The following NPSR1 variants were observed in gnomAD, a reference collection of about 807,000 sequenced individuals.
NPSR1 encodes neuropeptide S receptor.
A neutral mutation model predicts 46.9 loss-of-function variants in NPSR1; 48 were observed. The observed-to-expected ratio is 1.02, with a 90% CI of 0.81 to 1.30. The LOEUF (loss-of-function observed/expected upper bound fraction) is 1.30, where lower values mean the gene tolerates loss of function less well. Ranked by LOEUF, NPSR1 falls within the 50% of genes most tolerant of loss-of-function variation. The pLI is 0.00. For missense variants in NPSR1, 450 were observed against 449.5 expected (o/e 1.00, Z -0.01); for synonymous variants, 176 against 168.1 (o/e 1.05, Z -0.36).
chr7:34,743,895 C>A (rs952241738), intron 2 of NPSR1, among the ~76,000 whole-genome samples: 5 of 152,064 alleles, frequency 3.3e-5, no homozygotes, highest in African/African-American at 1.2e-4. Context: ...GATGAAATGA[C>A]ATATGGTCTA....
At chr7:34,792,609 A>G (rs1161030815) in intron 3 of NPSR1, among the ~76,000 whole-genome samples, 4 of 125,680 alleles carry the variant, frequency 3.2e-5, no homozygotes, top group African/African-American at 1.2e-4. Flanking sequence ...ATGTGTGTGT[A>G]TATATGTGTA....
intron 2 of NPSR1, among the ~76,000 whole-genome samples, chr7:34,709,444 C>T (rs1396181951): frequency 6.6e-6 from 1 of 152,172 alleles, no homozygotes; most frequent in African/African-American, 2.4e-5. Flanking sequence ...CACTGTTGCA[C>T]AGACAGAAGC....
intron 2 of NPSR1, among the ~76,000 whole-genome samples, chr7:34,744,916 A>T (rs1785128282): frequency 6.6e-6 from 1 of 152,214 alleles, no homozygotes; most frequent in African/African-American, 2.4e-5. Context: ...ACATGTTCAC[A>T]CTTTCTCCTT....
Position 34,676,836 on chromosome 7 carries a change from C to G in NPSR1, c.148-7716C>G, listed in dbSNP as rs111353256. Among the ~76,000 whole-genome samples, 442 of 152,164 alleles carry G rather than the reference C, an allele frequency of 2.9e-3. 3 individuals carry two copies. Among genetic ancestry groups the G allele is most frequent in the African/African-American group, 0.01 (417 of 41,502 alleles). On this transcript the variant is annotated intron_variant, in intron 1 of 8. Coordinates refer to ENST00000360581, the MANE Select transcript of NPSR1 (RefSeq NM_207172.2). ...CCTATGTCTGGAAGTGTTCTGAAGC[C>G]TATGAAGTAAGGTGAGATTATCTTC...
At chr7:34,737,342 A>C (rs1471795818) in intron 2 of NPSR1, among the ~76,000 whole-genome samples, 1 of 151,962 alleles carries the variant, frequency 6.6e-6, no homozygotes, top group Non-Finnish European at 1.5e-5. Context: ...GTTCTTTCTC[A>C]AACACTGAAA....
In NPSR1 at chr7:34,849,562, C is replaced by G; in HGVS notation, c.1026-3C>G. On this transcript the variant is annotated splice_polypyrimidine_tract_variant and splice_region_variant and intron_variant, in intron 8 of 8. Coordinates refer to ENST00000360581, the MANE Select transcript of NPSR1 (RefSeq NM_207172.2). Reference sequence around the variant, plus strand: ...CTCCCTGCTTTATTTTGACTTTCTCCAGGGAGCAAAGATCACAGGATTCCA... The same window carrying G: ...CTCCCTGCTTTATTTTGACTTTCTCGAGGGAGCAAAGATCACAGGATTCCA... The G allele has an allele frequency of 6.2e-7, 1 of 1,614,034 alleles. No individual in the cohort carries two copies. Among genetic ancestry groups the G allele is most frequent in the Non-Finnish European group, 8.5e-7 (1 of 1,179,942 alleles).
At chr7:34,820,724 G>C (rs1789513269) in intron 4 of NPSR1, among the ~76,000 whole-genome samples, 1 of 152,104 alleles carries the variant, frequency 6.6e-6, no homozygotes, top group South Asian at 2.1e-4. Context: ...GTTGGGTAGT[G>C]GGGGATGGGG....
Position 34,867,725 on chromosome 7 carries a change from A to C in NPSR1, c.1026-10351A>C, listed in dbSNP as rs546843919. ...TAGAACTATTGCTTCCTTAAGAAGC[A>C]ATCTCTCTTAAGAAATTATAAAGCA... On this transcript the variant is annotated intron_variant, in intron 8 of 8. Transcript: ENST00000359791. Among the ~76,000 whole-genome samples, 125 of 152,026 alleles carry C rather than the reference A, an allele frequency of 8.2e-4. 6 individuals carry two copies. The highest frequency in any genetic ancestry group is 3.0e-3 in the African/African-American group (122 of 41,268).
chr7:34,850,245 T>C (rs1399005504), downstream of NPSR1, among the ~76,000 whole-genome samples: 2 of 152,126 alleles, frequency 1.3e-5, no homozygotes, highest in Non-Finnish European at 2.9e-5. Context: ...CATCAACAAA[T>C]GATTTGTGGA....
At chr7:34,674,375 G>T (rs575947450) in intron 1 of NPSR1, among the ~76,000 whole-genome samples, 11 of 152,232 alleles carry the variant, frequency 7.2e-5, no homozygotes, top group African/African-American at 2.4e-4. Flanking sequence ...ATGTCTCTGT[G>T]TTACACTGTG....
At chr7:34,806,496 CAG>C (rs1788704328) in intron 3 of NPSR1, among the ~76,000 whole-genome samples, 1 of 151,880 alleles carries the variant, frequency 6.6e-6, no homozygotes, top group South Asian at 2.1e-4. Flanking sequence ...CCAGTGTTGC[CAG>C]AGATTTGGAG....
At chr7:34,705,787 ATCT>A (rs71819540) in intron 2 of NPSR1, among the ~76,000 whole-genome samples, 21,842 of 152,090 alleles carry the variant, frequency 0.14, 2,057 homozygotes, top group East Asian at 0.34. Context: ...TTTGGCATTT[ATCT>A]TCTTCATTGT....
chr7:34,769,335 A>G (rs957574125), intron 2 of NPSR1, among the ~76,000 whole-genome samples: 1 of 152,202 alleles, frequency 6.6e-6, no homozygotes, highest in Non-Finnish European at 1.5e-5. Context: ...ATTAAATGGT[A>G]ATTCCAGTAT....
downstream of NPSR1, among the ~76,000 whole-genome samples, chr7:34,850,398 C>CTTTT (rs756462912): frequency 4.4e-5 from 5 of 113,044 alleles, no homozygotes; most frequent in Admixed American, 8.7e-5. Flanking sequence ...TCCTTGAGGC[C>CTTTT]TTTTTTTTTT....
chr7:34,862,222 C>G (rs368700957), intron 8 of NPSR1, among the ~76,000 whole-genome samples: 1 of 151,564 alleles, frequency 6.6e-6, no homozygotes, highest in South Asian at 2.1e-4. Context: ...AGCGTAATTG[C>G]GGGAGTGGGA....
chr7:34,859,348 A>G (rs1791130515), intron 8 of NPSR1, among the ~76,000 whole-genome samples: 1 of 151,632 alleles, frequency 6.6e-6, no homozygotes, highest in South Asian at 2.1e-4. Flanking sequence ...CTGGTTTCCC[A>G]CTTCAGTATT....
chr7:34,660,801 G>A (rs904698161), intron 1 of NPSR1, among the ~76,000 whole-genome samples: 4 of 152,070 alleles, frequency 2.6e-5, no homozygotes, highest in Non-Finnish European at 5.9e-5. Flanking sequence ...ATTTTACCCA[G>A]TCTATAAAGC....
chr7:34,875,118 G>T (rs1204030673), intron 8 of NPSR1, among the ~76,000 whole-genome samples: 1 of 152,090 alleles, frequency 6.6e-6, no homozygotes, highest in African/African-American at 2.4e-5. Context: ...GACACTCTTT[G>T]CATATTTATT....
chr7:34,663,241 G>A (rs1054944732), intron 1 of NPSR1, among the ~76,000 whole-genome samples: 1 of 151,898 alleles, frequency 6.6e-6, no homozygotes, highest in African/African-American at 2.4e-5. Flanking sequence ...GTTCCCATCC[G>A]ACCTGTGTCA....
Sources: gnomAD v4.1 joint callset for allele counts (sites outside exome capture counted in the v4.1 genomes callset) on GRCh38, gnomAD v4.1.1 for gene constraint, MANE v1.5 for transcripts, NCBI Gene and HGNC (gene_info 2026-07-23, HGNC 2026-07-21) for gene names.